Variants in SLC37A1 observed in about 807,000 individuals in gnomAD.
SLC37A1 encodes the protein solute carrier family 37 member 1.
In SLC37A1, 49 loss-of-function variants were observed where a neutral mutation model predicts 75.3. That is an observed-to-expected ratio of 0.65 (90% confidence interval 0.52 to 0.83). The LOEUF (loss-of-function observed/expected upper bound fraction) is 0.83. Ranked by LOEUF, SLC37A1 falls within the 40% of genes least tolerant of loss-of-function variation. SLC37A1 has a pLI of 0.00. For missense variants in SLC37A1, 566 were observed against 695.0 expected, an observed-to-expected ratio of 0.81 and a Z score of 2.09; for synonymous variants, 268 against 292.1, an observed-to-expected ratio of 0.92 and a Z score of 0.84.
At chr21:42,538,415 A>G (rs2055194250) in intron 5 of SLC37A1, among the ~76,000 whole-genome samples, 1 of 152,188 alleles carries the variant, frequency 6.6e-6, no homozygotes, top group Non-Finnish European at 1.5e-5. Flanking sequence ...TTCGGAAGGA[A>G]AATCTCTCTG....
Position 42,518,405 on chromosome 21 carries a change from A to G in SLC37A1, c.-50A>G, listed in dbSNP as rs1348352340. The G allele has an allele frequency of 2.5e-6, 4 of 1,611,656 alleles. No individual in the cohort carries two copies. Among genetic ancestry groups the G allele is most frequent in the Non-Finnish European group, 3.4e-6 (4 of 1,177,860 alleles). The stretch of plus-strand genomic sequence containing the variant: ...TGGAGCCAGGATTAATGACTCATTT[A>G]TGAAGCATCTTATTCTGCGACCGAG... On this transcript the variant is annotated 5_prime_UTR_variant, in exon 2 of 20. An upstream start codon of the reference 5' UTR is lost. Coordinates refer to ENST00000352133, the MANE Select transcript of SLC37A1 (RefSeq NM_001320537.2).
intron 14 of SLC37A1, among the ~76,000 whole-genome samples, chr21:42,565,128 G>A (rs1394388589): frequency 1.3e-5 from 2 of 152,240 alleles, no homozygotes; most frequent in Admixed American, 6.5e-5. Flanking sequence ...GACACCTCCC[G>A]TCATGATGCA....
intron 3 of SLC37A1, among the ~76,000 whole-genome samples, chr21:42,533,518 G>A (rs1333311549): frequency 2.0e-5 from 3 of 152,184 alleles, no homozygotes; most frequent in Non-Finnish European, 4.4e-5. Context: ...TGTCCTGGAA[G>A]TGTTGTTCCT....
Position 42,567,054 on chromosome 21 carries a change from A to G in SLC37A1, c.1340A>G (p.Asp447Gly). ...YTLITTAVSA[D>G]LGTHKSLKGN... ...CTCATCACCACCGCCGTCTCCGCCGACCTGGTGAGTAGAACCGGGAGAGAC... is the reference window on the plus strand; with the variant it reads ...CTCATCACCACCGCCGTCTCCGCCGGCCTGGTGAGTAGAACCGGGAGAGAC... The change falls in exon 16 of 20, where the codon GAC becomes GGC. Residue 447 changes from aspartate to glycine, a missense_variant. By Grantham distance (94) the Asp-to-Gly change is moderately conservative (BLOSUM62 -1). Transcript: ENST00000352133. 1 of 1,609,324 alleles carries G rather than the reference A, an allele frequency of 6.2e-7. No individual in the cohort carries two copies. The highest frequency in any genetic ancestry group is 8.5e-7 in the Non-Finnish European group (1 of 1,179,842).
intron 10 of SLC37A1, among the ~76,000 whole-genome samples, chr21:42,557,971 A>T (rs2146961710): frequency 6.6e-6 from 1 of 152,188 alleles, no homozygotes; most frequent in East Asian, 1.9e-4. Flanking sequence ...CTTTTTTGAG[A>T]CAGGGTCTTG....
In SLC37A1 at chr21:42,547,337, C is replaced by T. The variant is rs941009697; in HGVS notation, c.768+197C>T. 2 of 603,422 alleles carry T rather than the reference C, an allele frequency of 3.3e-6. No homozygotes were observed. The highest frequency in any genetic ancestry group is 5.9e-6 in the Non-Finnish European group (2 of 340,534). 37.4% of individuals were successfully genotyped at this position (603,422 alleles called of 1,614,324 possible). Reference sequence around the variant, plus strand: ...TGATAATAACCTTATCAGCAAAACCCAGACAAGAGGTTCAATGCTGTCCAG... The same window carrying T: ...TGATAATAACCTTATCAGCAAAACCTAGACAAGAGGTTCAATGCTGTCCAG... On this transcript the variant is annotated intron_variant, in intron 9 of 19. Coordinates refer to ENST00000352133, the MANE Select transcript of SLC37A1 (RefSeq NM_001320537.2). The surrounding 1 kb of genome is among the most constrained non-coding windows in gnomAD (Gnocchi z 6.1).
chr21:42,534,598 C>A, intron 3 of SLC37A1, 100 bp from the exon 4 acceptor site: 1 of 1,444,242 alleles, frequency 6.9e-7, no homozygotes, highest in Non-Finnish European at 9.3e-7. Context: ...CCTGGGCAGG[C>A]TGCTGGGAGA....
rs1479445349 is a variant in SLC37A1 at position 42,558,988 on chromosome 21, G to T, written c.880G>T (p.Asp294Tyr). 6.2e-7 allele frequency: 1 copy of T among 1,613,874 alleles called. No homozygotes were observed. Among genetic ancestry groups the T allele is most frequent in the African/African-American group, 1.3e-5 (1 of 75,030 alleles). ...DPEMQCLLLSDGKGSIHPNHV... is the reference protein window; with the variant it reads ...DPEMQCLLLSYGKGSIHPNHV... ...AGAGATGCAGTGCCTGCTGCTCTCA[G>T]ATGGGAAGGGCTCCATCCACCCGAA... is the stretch of plus-strand genomic sequence containing the variant. The change falls in exon 11 of 20, where the codon GAT becomes TAT. Residue 294 changes from aspartate (D) to tyrosine (Y), a missense_variant. Asp to Tyr is a radical substitution (Grantham distance 160). Transcript: ENST00000352133.
rs185161004 is a variant in SLC37A1, at chr21:42,556,174, G to A, written c.849+2032G>A. ...AGGCGCTGCTGTCACTTGGCCACGT[G>A]GCGAGCCCGCAGGTCCCCGCGGGCG... On this transcript the variant is annotated intron_variant, in intron 10 of 19. Transcript: ENST00000352133. 3.8e-3 allele frequency among the ~76,000 whole-genome samples: 582 copies of A among 152,354 alleles called. 4 individuals carry two copies. Among genetic ancestry groups the A allele is most frequent in the African/African-American group, 0.013 (551 of 41,578 alleles).
At chr21:42,512,266 C>T (rs533819482), upstream of SLC37A1, among the ~76,000 whole-genome samples, 352 of 151,400 alleles carry the variant, frequency 2.3e-3, 3 homozygotes, top group African/African-American at 7.8e-3. Flanking sequence ...CATATGAGGC[C>T]GAGGTGTCCT....
At chr21:42,501,403 T>C (rs959267178) in intron 1 of SLC37A1, among the ~76,000 whole-genome samples, 7 of 152,148 alleles carry the variant, frequency 4.6e-5, no homozygotes, top group African/African-American at 1.7e-4. Flanking sequence ...TCTACATTAA[T>C]CTACACTGTT....
chr21:42,535,103 GAGA>G (rs1487692323), intron 4 of SLC37A1, among the ~76,000 whole-genome samples: 10 of 152,250 alleles, frequency 6.6e-5, no homozygotes, highest in African/African-American at 2.2e-4. Context: ...TTCTGTGGGT[GAGA>G]AGAAGAGAGA....
At chr21:42,564,675 C>T (rs1251721157) in intron 13 of SLC37A1, 33 bp from the exon 14 acceptor site, 19 of 1,580,584 alleles carry the variant, frequency 1.2e-5, no homozygotes, top group Non-Finnish European at 1.5e-5. Context: ...TGCCCTGGGA[C>T]GTCAGTGCCT....
chr21:42,508,223 G>A (rs1053376194), intron 2 of SLC37A1, among the ~76,000 whole-genome samples: 3 of 150,518 alleles, frequency 2.0e-5, no homozygotes, highest in African/African-American at 7.4e-5. Context: ...CTGCCTCCCG[G>A]GTTCAAGCAA....
At chr21:42,507,653 T>C (rs2146680617) in intron 2 of SLC37A1, among the ~76,000 whole-genome samples, 1 of 152,334 alleles carries the variant, frequency 6.6e-6, no homozygotes, top group South Asian at 2.1e-4. Flanking sequence ...AGCACGTACT[T>C]CTTACGAAGG....
intron 17 of SLC37A1, among the ~76,000 whole-genome samples, chr21:42,572,474 T>G (rs1449717491): frequency 2.0e-5 from 3 of 152,092 alleles, no homozygotes; most frequent in Non-Finnish European, 4.4e-5. Flanking sequence ...TTTCTTTCCC[T>G]TCCTGCCTGT....
At chr21:42,536,716 A>ACGCAGGGCATACAAAACAGG (rs2055146218) in intron 5 of SLC37A1, among the ~76,000 whole-genome samples, 1 of 152,182 alleles carries the variant, frequency 6.6e-6, no homozygotes. Flanking sequence ...TACAAAACAG[A>ACGCAGGGCATACAAAACAGG]CACAGCACAG....
intron 10 of SLC37A1, among the ~76,000 whole-genome samples, chr21:42,557,573 G>A (rs367770121): frequency 1.3e-5 from 2 of 152,164 alleles, no homozygotes; most frequent in African/African-American, 2.4e-5. Flanking sequence ...TCAGAGACCC[G>A]CTCTCCATGC....
At chr21:42,566,893 G>A (rs1257712235) in intron 15 of SLC37A1, 92 bp from the exon 16 acceptor site, 8 of 1,319,120 alleles carry the variant, frequency 6.1e-6, no homozygotes, top group Admixed American at 4.0e-5. Flanking sequence ...TCCCCTCCCT[G>A]TGCTCCCCAG....
Sources: gnomAD v4.1 joint callset for allele counts (sites outside exome capture counted in the v4.1 genomes callset) on GRCh38, gnomAD v4.1.1 for gene constraint, Gnocchi (gnomAD v3.1) non-coding constraint, MANE v1.5 for transcripts, NCBI Gene and HGNC (gene_info 2026-07-23, HGNC 2026-07-21) for gene names.